The following DIXDC1 variants were observed in gnomAD, a reference collection of about 807,000 sequenced individuals.
DIXDC1 encodes the protein DIX domain containing 1.
In DIXDC1, 64 loss-of-function variants were observed where a neutral mutation model predicts 103.1. The ratio of observed to expected loss-of-function variants is 0.62; its 90% CI spans 0.51 to 0.76. DIXDC1 has a LOEUF of 0.76. Ranked by LOEUF, DIXDC1 falls within the 30% of genes least tolerant of loss-of-function variation. The probability of loss-of-function intolerance (pLI) is 0.00; values close to 1 mark genes in which losing one functional copy is unlikely to be tolerated. For synonymous variants in DIXDC1, 266 were observed against 298.5 expected (o/e 0.89, Z 1.12); for missense variants, 759 against 834.2 (o/e 0.91, Z 1.11).
At chr11:111,980,444 A>G (rs978866165) in intron 5 of DIXDC1, among the ~76,000 whole-genome samples, 1 of 152,220 alleles carries the variant, frequency 6.6e-6, no homozygotes, top group Non-Finnish European at 1.5e-5. Flanking sequence ...TTTGAATGCT[A>G]GATTACCCAT....
chr11:111,964,854 T>C (rs1555171366), intron 2 of DIXDC1, among the ~76,000 whole-genome samples, 176 bp downstream of exon 2: 1 of 152,242 alleles, frequency 6.6e-6, no homozygotes, highest in Non-Finnish European at 1.5e-5. Flanking sequence ...TCAATAAACA[T>C]TGTGTCCCGG....
chr11:111,966,942 T>A (rs1859759649), intron 2 of DIXDC1, among the ~76,000 whole-genome samples: 1 of 152,220 alleles, frequency 6.6e-6, no homozygotes, highest in Non-Finnish European at 1.5e-5. Context: ...CCTCATTTTA[T>A]TCAACATAGC....
upstream of DIXDC1, among the ~76,000 whole-genome samples, chr11:111,934,532 A>T (rs1310816914): frequency 1.3e-5 from 2 of 152,218 alleles, no homozygotes; most frequent in Admixed American, 1.3e-4. Context: ...ACATACAAAC[A>T]CTATGGGATG....
chr11:112,003,660 G>A (rs982996408), intron 17 of DIXDC1, among the ~76,000 whole-genome samples: 12 of 151,810 alleles, frequency 7.9e-5, no homozygotes, highest in East Asian at 5.8e-4. Context: ...TTAGCCAGGC[G>A]TGGTGGTGCA....
At chr11:111,986,165 T>C (rs1555173800) in intron 8 of DIXDC1, among the ~76,000 whole-genome samples, 1 of 152,210 alleles carries the variant, frequency 6.6e-6, no homozygotes, top group African/African-American at 2.4e-5. Flanking sequence ...TAAGTTTTTG[T>C]AAAACAGCAA....
chr11:111,980,824 C>G lies in DIXDC1; in HGVS notation c.744C>G (p.Pro248=). 2 of 1,613,786 alleles carry G rather than the reference C, an allele frequency of 1.2e-6. No individual in the cohort carries two copies. The highest frequency in any genetic ancestry group is 1.1e-5 in the South Asian group (1 of 91,042). Residue 248 remains proline (P), a synonymous_variant, in exon 6 of 20, where the codon CCC becomes CCG. Transcript: ENST00000440460. ...AGAAGGCAGATTTTGTGATTATTCC[C>G]GCTGAAGGAATAGAGAACAGAACAG... The part of the protein sequence containing the change: ...SEEKADFVII[P]AEGIENRTEG...
intron 2 of DIXDC1, among the ~76,000 whole-genome samples, chr11:111,965,749 TCAAA>T (rs2137511454): frequency 6.6e-6 from 1 of 152,294 alleles, no homozygotes; most frequent in Non-Finnish European, 1.5e-5. Flanking sequence ...TTAGTATGAG[TCAAA>T]CAAAATAGCT....
At position 111,968,516 on chromosome 11, in the gene DIXDC1, G is replaced by A. The variant is rs782120627; in HGVS notation, c.194G>A (p.Gly65Glu). Residue 65 changes from glycine (G) to glutamate (E), a missense_variant, in exon 3 of 20, where the codon GGA becomes GAA. Transcript: ENST00000440460. ...TATATTTTCTCTCTCCTAACAGCAG[G>A]AGAAAAGCTGAGTGGGGTACAGCTG... Reference protein sequence around the residue: ...ILAYLIEIVAGEKLSGVQLSP... With the variant: ...ILAYLIEIVAEEKLSGVQLSP... The A allele has an allele frequency of 1.9e-6, 3 of 1,612,748 alleles. No homozygotes were observed. Among genetic ancestry groups the A allele is most frequent in the Admixed American group, 3.3e-5 (2 of 59,838 alleles).
At chr11:111,951,544 A>G (rs1407255120) in intron 1 of DIXDC1, among the ~76,000 whole-genome samples, 1 of 152,188 alleles carries the variant, frequency 6.6e-6, no homozygotes, top group African/African-American at 2.4e-5. Context: ...TTATTTATGA[A>G]TATCCATGAG....
intron 17 of DIXDC1, among the ~76,000 whole-genome samples, chr11:112,003,909 G>C (rs1381186668): frequency 6.6e-6 from 1 of 151,182 alleles, no homozygotes; most frequent in African/African-American, 2.4e-5. Context: ...CAGGCATGGT[G>C]GGCTTATGCC....
chr11:111,994,148 A>C (rs1860800338), intron 14 of DIXDC1, among the ~76,000 whole-genome samples: 1 of 152,174 alleles, frequency 6.6e-6, no homozygotes, highest in Non-Finnish European at 1.5e-5. Flanking sequence ...GCACTTTGGG[A>C]GGCCAAGGCA....
intron 11 of DIXDC1, 80 bp from the exon 12 acceptor site, chr11:111,992,871 A>G: frequency 7.1e-7 from 1 of 1,414,292 alleles, no homozygotes; most frequent in Non-Finnish European, 9.8e-7. Context: ...TGCCAACATT[A>G]ACTGGTTACT....
chr11:111,959,109 T>C (rs782403549), intron 1 of DIXDC1, among the ~76,000 whole-genome samples: 13 of 152,218 alleles, frequency 8.5e-5, no homozygotes, highest in Non-Finnish European at 1.6e-4. Context: ...TCATTCTTCC[T>C]GGATGCAGGG....
intron 12 of DIXDC1, among the ~76,000 whole-genome samples, 185 bp downstream of exon 12, chr11:111,993,189 A>G (rs1566546245): frequency 6.6e-6 from 1 of 152,154 alleles, no homozygotes; most frequent in African/African-American, 2.4e-5. Flanking sequence ...TAGATGGCAC[A>G]GCTAGGAGAA....
intron 1 of DIXDC1, among the ~76,000 whole-genome samples, chr11:111,952,305 A>G (rs782192023): frequency 2.0e-5 from 3 of 152,224 alleles, no homozygotes; most frequent in Non-Finnish European, 1.5e-5. Context: ...GTTTAATACA[A>G]TCCCAGTAAA....
intron 3 of DIXDC1, among the ~76,000 whole-genome samples, chr11:111,972,414 C>CTGGAGAA (rs1357775216): frequency 6.6e-6 from 1 of 152,166 alleles, no homozygotes; most frequent in African/African-American, 2.4e-5. Flanking sequence ...TGTCATTTAC[C>CTGGAGAA]TGGAGAAGTG....
chr11:111,967,736 C>A (rs1246709137), intron 2 of DIXDC1, among the ~76,000 whole-genome samples: 1 of 152,234 alleles, frequency 6.6e-6, no homozygotes, highest in East Asian at 1.9e-4. Context: ...TGGCACCCTG[C>A]CAGTCAACTT....
chr11:111,937,127 C>CGGG (rs200146124), upstream of DIXDC1: 16,014 of 513,780 alleles, frequency 0.031, 619 homozygotes, highest in Middle Eastern at 0.046. Flanking sequence ...TGCTGCGGCC[C>CGGG]GGGCGGGGGG....
rs200290170 is a variant in DIXDC1 at position 111,982,468 on chromosome 11, A to T, written c.899A>T (p.Lys300Ile). 1.4e-5 allele frequency: 23 copies of T among 1,613,386 alleles called. No individual in the cohort carries two copies. The highest frequency in any genetic ancestry group is 1.8e-5 in the Non-Finnish European group (21 of 1,179,698). ...GAAAAAGAAATGGAGGAAGCAAAGA[A>T]AATGATATCAGGACTACAGGTAGCT... is the stretch of plus-strand genomic sequence containing the variant. ...YLEKEMEEAKKMISGLQALLL... is the reference protein window; with the variant it reads ...YLEKEMEEAKIMISGLQALLL... Residue 300 changes from lysine to isoleucine, a missense_variant, in exon 7 of 20, where the codon AAA becomes ATA. Coordinates refer to ENST00000440460, the MANE Select transcript of DIXDC1 (RefSeq NM_001037954.4).
Sources: gnomAD v4.1 joint callset for allele counts (sites outside exome capture counted in the v4.1 genomes callset) on GRCh38, gnomAD v4.1.1 for gene constraint, MANE v1.5 for transcripts, NCBI Gene and HGNC (gene_info 2026-07-23, HGNC 2026-07-21) for gene names.